DNAJB12: variants seen among roughly 807,000 people sequenced by gnomAD.
DNAJB12 encodes DnaJ heat shock protein family (Hsp40) member B12.
A neutral mutation model predicts 40.6 loss-of-function variants in DNAJB12; 14 were observed. That is an observed-to-expected ratio of 0.34 (90% CI 0.23 to 0.54). DNAJB12 has a LOEUF of 0.54. Among genes scored for constraint, DNAJB12 ranks in the 20% least tolerant of loss-of-function variants. DNAJB12 has a pLI of 0.92. For missense variants in DNAJB12, 444 were observed against 501.7 expected (o/e 0.89, Z 1.10); for synonymous variants, 181 against 199.5 (o/e 0.91, Z 0.78).
Position 72,335,238 on chromosome 10 carries a change from C to A in DNAJB12, c.*30+542G>T, listed in dbSNP as rs1861437192. 1 of 986,872 alleles carries A rather than the reference C, an allele frequency of 1.0e-6. No homozygotes were observed. The highest frequency in any genetic ancestry group is 1.1e-4 in the East Asian group (1 of 8,828). The allele number at this position is 986,872 out of a possible 1,614,324, so 61.1% of individuals were successfully genotyped here. On this transcript the variant is annotated intron_variant, in intron 8 of 8. Coordinates refer to ENST00000444643, the MANE Select transcript of DNAJB12 (RefSeq NM_017626.7). This position sits in a 1 kb window ranked among gnomAD's most constrained non-coding sequence, Gnocchi z 4.4. ...ACCAAGACTGCCAGCTCCCACCCAC[C>A]TCGTGGCTGCCTGTTCATCTTGCTC...
rs551044823 is a variant in DNAJB12, at chr10:72,333,961, G to C, written c.*687C>G. On this transcript the variant is annotated 3_prime_UTR_variant, in exon 9 of 9. Coordinates refer to ENST00000444643, the MANE Select transcript of DNAJB12 (RefSeq NM_017626.7). Reference sequence around the variant, plus strand: ...CTGGGGTTTCGGGGGGCTGTGAAAAGCTCTGATGCGACTCTCCTTATGCTG... The same window carrying C: ...CTGGGGTTTCGGGGGGCTGTGAAAACCTCTGATGCGACTCTCCTTATGCTG... 9.8e-5 allele frequency: 15 copies of C among 153,508 alleles called. No individual in the cohort carries two copies. Among genetic ancestry groups the C allele is most frequent in the African/African-American group, 3.6e-4 (15 of 41,530 alleles). The allele number at this position is 153,508 out of a possible 1,614,324, so 9.5% of individuals were successfully genotyped here. A position where few individuals can be genotyped will look rare whatever the true frequency, so the allele number is the denominator to read the frequency against.
intron 8 of DNAJB12, 152 bp from the exon 9 acceptor site, chr10:72,334,769 C>T (rs755592333): frequency 5.0e-6 from 7 of 1,397,994 alleles, no homozygotes; most frequent in East Asian, 5.8e-5. Flanking sequence ...TGCCCTCCTG[C>T]GGCAGCACAG....
At chr10:72,352,413 G>A (rs117965016) in intron 1 of DNAJB12, among the ~76,000 whole-genome samples, 102 of 152,088 alleles carry the variant, frequency 6.7e-4, no homozygotes, top group Non-Finnish European at 1.2e-3. Flanking sequence ...GTCTCACACC[G>A]TCCTCCAAAG....
At chr10:72,340,592 G>A (rs549563868) in intron 5 of DNAJB12, among the ~76,000 whole-genome samples, 197 bp downstream of exon 5, 1 of 152,290 alleles carries the variant, frequency 6.6e-6, no homozygotes, top group Admixed American at 6.5e-5. Context: ...TGTGGAGCAT[G>A]GCTCCCTCGT....
At chr10:72,348,805 G>A (rs1861863719) in intron 1 of DNAJB12, among the ~76,000 whole-genome samples, 1 of 152,240 alleles carries the variant, frequency 6.6e-6, no homozygotes, top group African/African-American at 2.4e-5. Context: ...CTTACCCAGT[G>A]ATGTGTGTCA....
At chr10:72,347,367 C>T (rs1443043931) in intron 1 of DNAJB12, among the ~76,000 whole-genome samples, 1 of 152,178 alleles carries the variant, frequency 6.6e-6, no homozygotes, top group Admixed American at 6.5e-5. Flanking sequence ...CTTAGCAGGA[C>T]CCTCTGTTTC....
chr10:72,343,887 C>CT (rs370222284), intron 2 of DNAJB12, among the ~76,000 whole-genome samples: 17,244 of 145,044 alleles, frequency 0.12, 2,262 homozygotes, highest in African/African-American at 0.33. Context: ...CAATCTGAGT[C>CT]TTTTTTTTTT....
intron 2 of DNAJB12, among the ~76,000 whole-genome samples, chr10:72,344,014 C>G (rs550872465): frequency 5.7e-4 from 87 of 152,230 alleles, no homozygotes; most frequent in Middle Eastern, 3.4e-3. Context: ...CTCAGCCCCC[C>G]AAAGTGCTAG....
In DNAJB12 at chr10:72,353,046, A is replaced by C. The variant is rs113471674; in HGVS notation, c.133+1719T>G. On this transcript the variant is annotated intron_variant, in intron 1 of 8. Coordinates refer to ENST00000444643, the MANE Select transcript of DNAJB12 (RefSeq NM_017626.7). The stretch of plus-strand genomic sequence containing the variant: ...GTTTACACGGATGCATAAGGCGTAT[A>C]GTCTCATAGTCTTTCCAGAAAAGCA... 5.5e-3 allele frequency among the ~76,000 whole-genome samples: 842 copies of C among 152,384 alleles called. 9 individuals carry two copies. The highest frequency in any genetic ancestry group is 9.1e-3 in the Non-Finnish European group (618 of 68,044).
intron 6 of DNAJB12, 70 bp downstream of exon 6, chr10:72,338,132 A>C: frequency 1.5e-6 from 2 of 1,319,264 alleles, no homozygotes; most frequent in Non-Finnish European, 2.2e-6. Context: ...ATGGGAAAGA[A>C]GGCCCCTGAT....
chr10:72,338,207 T>TG lies in DNAJB12; in HGVS notation c.827dup (p.Arg277LysfsTer13), dbSNP rs1320083499. 6.2e-7 allele frequency: 1 copy of TG among 1,613,826 alleles called. No homozygotes were observed. The highest frequency in any genetic ancestry group is 1.3e-5 in the African/African-American group (1 of 74,898). ...GGCCTCACCCATGTACTCACGGTCT[T>TG]GGACTCAGACTGTAGGGTGGACTGG... On this transcript the variant is annotated frameshift_variant, in exon 6 of 9. Transcript: ENST00000444643. LOFTEE classifies it high-confidence loss of function.
At position 72,333,283 on chromosome 10, in the gene DNAJB12, G is replaced by A. The variant is rs1018485236; in HGVS notation, c.*1365C>T. 1.4e-4 allele frequency: 22 copies of A among 152,170 alleles called. No homozygotes were observed. Among genetic ancestry groups the A allele is most frequent in the Admixed American group, 1.2e-3 (19 of 15,280 alleles). 9.4% of individuals were successfully genotyped at this position (152,170 alleles called of 1,614,324 possible). A position where few individuals can be genotyped will look rare whatever the true frequency, so the allele number is the denominator to read the frequency against. On this transcript the variant is annotated 3_prime_UTR_variant, in exon 9 of 9. Coordinates refer to ENST00000444643, the MANE Select transcript of DNAJB12 (RefSeq NM_017626.7). Reference sequence around the variant, plus strand: ...ACACCCACCGCCACAGGAAAACATGGTCATTCCAGAAGGCCCAGGAGAAAC... The same window carrying A: ...ACACCCACCGCCACAGGAAAACATGATCATTCCAGAAGGCCCAGGAGAAAC...
rs748761786 is a variant in DNAJB12 at position 72,334,578 on chromosome 10, T to C, written c.*70A>G. The C allele has an allele frequency of 3.9e-6, 6 of 1,533,968 alleles. No individual in the cohort carries two copies. The South Asian group carries it at 7.2e-5, about 18-fold the overall frequency. On this transcript the variant is annotated 3_prime_UTR_variant, in exon 9 of 9. Transcript: ENST00000444643. Reference sequence around the variant, plus strand: ...CAAATATACAGTCCATCACCTTGGCTCAGTGCATGTCACCAAAAATTCTCC... The same window carrying C: ...CAAATATACAGTCCATCACCTTGGCCCAGTGCATGTCACCAAAAATTCTCC...
intron 2 of DNAJB12, among the ~76,000 whole-genome samples, chr10:72,344,057 A>G (rs529906677): frequency 7.9e-5 from 12 of 152,232 alleles, no homozygotes; most frequent in African/African-American, 2.9e-4. Context: ...GCTCAGCCCA[A>G]TCTGAGTCTT....
chr10:72,339,541 TAA>T (rs373937984), intron 5 of DNAJB12, among the ~76,000 whole-genome samples: 60 of 139,492 alleles, frequency 4.3e-4, no homozygotes, highest in African/African-American at 1.5e-3. Flanking sequence ...CTCAAAAAAT[TAA>T]AAAAAAAAAA....
chr10:72,345,651 T>A (rs1256603847), intron 1 of DNAJB12, among the ~76,000 whole-genome samples: 1 of 148,376 alleles, frequency 6.7e-6, no homozygotes, highest in African/African-American at 2.5e-5. Context: ...GGCGGGCGGA[T>A]CACCTGAGAT....
chr10:72,354,511 A>C, intron 1 of DNAJB12: 1 of 441,292 alleles, frequency 2.3e-6, no homozygotes, highest in Non-Finnish European at 4.0e-6. Flanking sequence ...ATTCTCGGAG[A>C]CCTCAAACCC....
chr10:72,343,239 G>T, intron 3 of DNAJB12, 127 bp downstream of exon 3: 1 of 1,224,062 alleles, frequency 8.2e-7, no homozygotes, highest in Non-Finnish European at 1.1e-6. Context: ...CCCAAGCCTG[G>T]GCAACTTGGG....
rs539331291 is a variant in DNAJB12 at position 72,346,736 on chromosome 10, C to T, written c.134-1609G>A. Reference sequence around the variant, plus strand: ...TCGGGTTCCCAAAGTGCTGGGATTACAGGCATGAGCCACCGTGCCTTGCTA... The same window carrying T: ...TCGGGTTCCCAAAGTGCTGGGATTATAGGCATGAGCCACCGTGCCTTGCTA... On this transcript the variant is annotated intron_variant, in intron 1 of 8. Coordinates refer to ENST00000444643, the MANE Select transcript of DNAJB12 (RefSeq NM_017626.7). Among the ~76,000 whole-genome samples the T allele has an allele frequency of 2.0e-5, 3 of 152,272 alleles. No individual in the cohort carries two copies. In the East Asian group the frequency reaches 5.8e-4, roughly 29 times the overall value.
Sources: allele counts gnomAD v4.1 joint callset (sites outside exome capture counted in the v4.1 genomes callset), GRCh38; gene constraint gnomAD v4.1.1; non-coding constraint Gnocchi (gnomAD v3.1); transcripts MANE v1.5; gene names NCBI Gene and HGNC (gene_info 2026-07-23, HGNC 2026-07-21).